Variants in HOMER2 observed in about 807,000 individuals in gnomAD.
HOMER2 encodes the protein homer protein homolog 2.
In HOMER2, 27 loss-of-function variants were observed where a neutral mutation model predicts 47.0. The observed-to-expected ratio is 0.57, with a 90% CI of 0.42 to 0.79. HOMER2 has a LOEUF of 0.79. Ranked by LOEUF, HOMER2 falls within the 30% of genes least tolerant of loss-of-function variation. HOMER2 has a pLI of 0.00. For synonymous variants in HOMER2, 161 were observed against 163.8 expected, an observed-to-expected ratio of 0.98 and a Z score of 0.13; for missense variants, 443 against 435.0, an observed-to-expected ratio of 1.02 and a Z score of -0.16.
chr15:82,961,342 G>A (rs1455565247), intron 1 of HOMER2, among the ~76,000 whole-genome samples: 4 of 152,192 alleles, frequency 2.6e-5, no homozygotes, highest in Non-Finnish European at 5.9e-5. Context: ...CAGGTTGGGG[G>A]GTACTATGAG....
At chr15:82,843,527 A>G (rs1489498599) in exon 2 of HOMER2, 2 of 151,304 alleles carry the variant, frequency 1.3e-5, no homozygotes, top group Non-Finnish European at 2.9e-5. Context: ...ATTAAAAAAA[A>G]AAAAAAAAGT....
intron 1 of HOMER2, among the ~76,000 whole-genome samples, chr15:82,982,232 T>C (rs2030419305): frequency 6.6e-6 from 1 of 152,200 alleles, no homozygotes; most frequent in Admixed American, 6.5e-5. Context: ...TTATACCAGA[T>C]AGGTAAGAGC....
intron 4 of HOMER2, among the ~76,000 whole-genome samples, chr15:82,860,533 T>C (rs2051740664): frequency 6.6e-6 from 1 of 152,114 alleles, no homozygotes; most frequent in South Asian, 2.1e-4. Flanking sequence ...TGAAAATCAA[T>C]ACAAAAGATT....
At chr15:82,934,126 G>A (rs1288695765) in intron 1 of HOMER2, among the ~76,000 whole-genome samples, 4 of 151,890 alleles carry the variant, frequency 2.6e-5, no homozygotes, top group South Asian at 2.1e-4. Context: ...ACTCCCCACC[G>A]CCCCCCACAT....
chr15:82,899,058 C>T (rs555674039), intron 1 of HOMER2, among the ~76,000 whole-genome samples: 1 of 152,310 alleles, frequency 6.6e-6, no homozygotes, highest in Non-Finnish European at 1.5e-5. Flanking sequence ...TCTGCCTGCC[C>T]AGCTGCAAAG....
chr15:82,943,544 G>A (rs1298328978), intron 1 of HOMER2, among the ~76,000 whole-genome samples: 1 of 152,178 alleles, frequency 6.6e-6, no homozygotes, highest in African/African-American at 2.4e-5. Flanking sequence ...GCTCCCACAG[G>A]ACACAAGCTA....
At chr15:82,835,325 C>T (rs750284084), downstream of HOMER2, 3 of 152,378 alleles carry the variant, frequency 2.0e-5, no homozygotes, top group Non-Finnish European at 2.9e-5. Context: ...TGGGGTTTCA[C>T]CATGTTGGCA....
At chr15:82,870,647 A>G (rs1462445136) in intron 3 of HOMER2, among the ~76,000 whole-genome samples, 1 of 152,202 alleles carries the variant, frequency 6.6e-6, no homozygotes, top group African/African-American at 2.4e-5. Flanking sequence ...ACATGTCAAA[A>G]TAATTATTAA....
At chr15:82,928,475 G>A (rs1436294562) in intron 1 of HOMER2, among the ~76,000 whole-genome samples, 9 of 151,976 alleles carry the variant, frequency 5.9e-5, no homozygotes, top group African/African-American at 2.2e-4. Flanking sequence ...CTCTCTTTTG[G>A]TTAGAAAACA....
At chr15:82,842,901 A>T (rs2051190816) in exon 2 of HOMER2, 1 of 152,014 alleles carries the variant, frequency 6.6e-6, no homozygotes, top group Admixed American at 6.6e-5. Context: ...AGAGGTTTTT[A>T]AAATTTTTTT....
At chr15:82,879,439 G>C (rs1018148729) in intron 2 of HOMER2, among the ~76,000 whole-genome samples, 1 of 152,218 alleles carries the variant, frequency 6.6e-6, no homozygotes, top group South Asian at 2.1e-4. Flanking sequence ...CAAGGCTGCA[G>C]TGAGCCGTGA....
chr15:82,981,791 C>A (rs1461796004), intron 1 of HOMER2, among the ~76,000 whole-genome samples: 1 of 152,014 alleles, frequency 6.6e-6, no homozygotes, highest in African/African-American at 2.4e-5. Flanking sequence ...CATGAGGTAC[C>A]TAGAGTAGTC....
chr15:82,847,360 C>T (rs548175209), downstream of HOMER2: 3 of 152,374 alleles, frequency 2.0e-5, no homozygotes, highest in Non-Finnish European at 4.4e-5. Context: ...CCAAGCCCAA[C>T]TTACCTTTCC....
Position 82,984,119 on chromosome 15 carries a change from G to A in HOMER2, n.82+1668C>T, listed in dbSNP as rs911235041. Among the ~76,000 whole-genome samples the A allele has an allele frequency of 1.2e-4, 18 of 149,750 alleles. No individual in the cohort carries two copies. The South Asian group carries it at 2.5e-3, about 21-fold the overall frequency. On this transcript the variant is annotated intron_variant and non_coding_transcript_variant, in intron 1 of 1. Coordinates refer to the HOMER2 transcript ENST00000500334. ...GCAATCTCTGCTCACTGCAAGCTCC[G>A]CCTCCTGGGTTCACGCCATTCTCCT...
intron 3 of HOMER2, among the ~76,000 whole-genome samples, chr15:82,865,262 C>T (rs1297487312): frequency 1.3e-5 from 2 of 152,150 alleles, no homozygotes; most frequent in African/African-American, 2.4e-5. Context: ...GCTTAAAACA[C>T]GAGGTCCAGC....
At chr15:82,931,102 CAAA>C (rs959127209) in intron 1 of HOMER2, among the ~76,000 whole-genome samples, 3 of 127,544 alleles carry the variant, frequency 2.4e-5, no homozygotes, top group Non-Finnish European at 1.7e-5. Context: ...GACACTGTAT[CAAA>C]AAAAAAAAAA....
exon 2 of HOMER2, chr15:82,958,750 G>A: frequency 6.5e-6 from 1 of 152,700 alleles, no homozygotes; most frequent in Non-Finnish European, 1.5e-5. Flanking sequence ...AAGGGCCTGG[G>A]AAGCTGCAGC....
At chr15:82,915,015 A>C (rs560624675) in intron 1 of HOMER2, among the ~76,000 whole-genome samples, 1 of 152,246 alleles carries the variant, frequency 6.6e-6, no homozygotes, top group Admixed American at 6.5e-5. Flanking sequence ...GTGACAAAAA[A>C]TACAAAAACT....
exon 2 of HOMER2, chr15:82,958,557 G>A (rs1231245257): frequency 6.6e-6 from 1 of 152,368 alleles, no homozygotes; most frequent in Non-Finnish European, 1.5e-5. Context: ...TCAGACTTGT[G>A]TCTTAGCTTC....
Sources: gnomAD v4.1 joint callset for allele counts (sites outside exome capture counted in the v4.1 genomes callset) on GRCh38, gnomAD v4.1.1 for gene constraint, MANE v1.5 for transcripts, NCBI Gene and HGNC (gene_info 2026-07-23, HGNC 2026-07-21) for gene names.